The following RFX2 variants were observed in gnomAD, a reference collection of about 807,000 sequenced individuals.
RFX2 encodes the protein DNA-binding protein RFX2.
A neutral mutation model predicts 87.8 loss-of-function variants in RFX2; 20 were observed. That is an observed-to-expected ratio of 0.23 (90% CI 0.16 to 0.33). The LOEUF is 0.33. RFX2 is among the 10% of genes least tolerant of loss of function. The pLI, the probability that RFX2 is intolerant of heterozygous loss-of-function variation, is 1.00. For missense variants in RFX2, 767 were observed against 1,012.3 expected (o/e 0.76, Z 3.29); for synonymous variants, 397 against 431.3 (o/e 0.92, Z 0.98).
intron 1 of RFX2, among the ~76,000 whole-genome samples, chr19:6,106,158 T>TA (rs1196153658): frequency 2.6e-5 from 4 of 152,282 alleles, no homozygotes; most frequent in African/African-American, 9.6e-5. Context: ...TTGCTGATCT[T>TA]AGAGTTTCCA....
intron 5 of RFX2, among the ~76,000 whole-genome samples, chr19:6,038,341 A>C (rs1599873428): frequency 1.3e-5 from 2 of 150,636 alleles, no homozygotes; most frequent in African/African-American, 4.8e-5. Flanking sequence ...AAAAAAAAAA[A>C]AAAAAAAAAA....
At chr19:6,095,792 C>T (rs982856225) in intron 1 of RFX2, among the ~76,000 whole-genome samples, 1 of 152,176 alleles carries the variant, frequency 6.6e-6, no homozygotes, top group African/African-American at 2.4e-5. Context: ...CTGGCCCAGC[C>T]GCTAGCCTGT....
intron 1 of RFX2, among the ~76,000 whole-genome samples, chr19:6,062,021 G>A (rs998394486): frequency 1.3e-5 from 2 of 152,106 alleles, no homozygotes; most frequent in East Asian, 3.8e-4. Context: ...TGGGGGCCGG[G>A]GAAGGTGGCT....
intron 1 of RFX2, among the ~76,000 whole-genome samples, chr19:6,065,853 C>A (rs1479010018): frequency 1.3e-5 from 2 of 152,052 alleles, no homozygotes; most frequent in Non-Finnish European, 2.9e-5. Context: ...GCTGGAGTGT[C>A]TGTTACAGGC....
intron 12 of RFX2, among the ~76,000 whole-genome samples, chr19:6,005,016 G>T (rs1427978517): frequency 6.6e-6 from 1 of 152,120 alleles, no homozygotes; most frequent in Non-Finnish European, 1.5e-5. Context: ...CTATTTGGGA[G>T]GCTGAGGCAG....
intron 1 of RFX2, chr19:6,078,276 C>G (rs944721989): frequency 6.7e-6 from 1 of 148,442 alleles, no homozygotes; most frequent in East Asian, 2.0e-4. Flanking sequence ...CTAAGACCCA[C>G]TGAACCATAC....
chr19:6,040,132 G>A lies in RFX2; in HGVS notation c.370C>T (p.Pro124Ser). The change falls in exon 5 of 18, where the codon CCG (proline) becomes TCG (serine). Residue 124 changes from proline (P) to serine (S), a missense_variant. Pro to Ser is a moderately conservative substitution (Grantham distance 74). This residue lies in a region of RFX2 where 621 missense variants were observed against 873.0 expected (regional missense o/e 0.71). Transcript: ENST00000303657. This position sits in a 1 kb window ranked among gnomAD's most constrained non-coding sequence, Gnocchi z 6.1. ...ATGCTGTGGGAGGGGACCGCTGGCG[G>A]GGACGAGGCTGCCACGGTCACCTGG... ...GAQVTVAASS[P>S]PAVPSHSMVG... 6.2e-7 allele frequency: 1 copy of A among 1,609,356 alleles called. No homozygotes were observed. Among genetic ancestry groups the A allele is most frequent in the Non-Finnish European group, 8.5e-7 (1 of 1,177,366 alleles).
intron 1 of RFX2, among the ~76,000 whole-genome samples, chr19:6,087,420 T>C (rs1364795640): frequency 6.6e-6 from 1 of 152,104 alleles, no homozygotes; most frequent in Non-Finnish European, 1.5e-5. Flanking sequence ...GGATCGAGGA[T>C]CAGAGGAAGC....
intron 5 of RFX2, among the ~76,000 whole-genome samples, chr19:6,032,229 C>A (rs564255277): frequency 1.3e-5 from 2 of 152,242 alleles, no homozygotes; most frequent in African/African-American, 4.8e-5. Flanking sequence ...TCAAGCGATT[C>A]CCCTGCCTCA....
At chr19:6,018,037 G>A (rs977119537) in intron 6 of RFX2, among the ~76,000 whole-genome samples, 13 of 151,892 alleles carry the variant, frequency 8.6e-5, no homozygotes, top group African/African-American at 2.2e-4. Flanking sequence ...GTGCAGTGGC[G>A]CAATCTTGGC....
intron 1 of RFX2, among the ~76,000 whole-genome samples, chr19:6,099,796 C>T (rs1172412183): frequency 6.6e-6 from 1 of 152,204 alleles, no homozygotes; most frequent in East Asian, 1.9e-4. Flanking sequence ...GTCCTTGCCA[C>T]TTCTTGTTGA....
rs2086434951 is a variant in RFX2, at chr19:5,997,752, A to G, written c.1860-539T>C. Among the ~76,000 whole-genome samples the G allele has an allele frequency of 6.6e-6, 1 of 152,194 alleles. No homozygotes were observed. Among genetic ancestry groups the G allele is most frequent in the Admixed American group, 6.5e-5 (1 of 15,280 alleles). ...CTGTCAGCGAAAGCAGGGGTTTCAGAGACTTCAGCCCAGATCCAGTCCGCG... is the reference window on the plus strand; with the variant it reads ...CTGTCAGCGAAAGCAGGGGTTTCAGGGACTTCAGCCCAGATCCAGTCCGCG... On this transcript the variant is annotated intron_variant, in intron 15 of 17. Transcript: ENST00000303657. The surrounding 1 kb of genome is among the most constrained non-coding windows in gnomAD (Gnocchi z 4.2).
chr19:6,002,606 C>G lies in RFX2; in HGVS notation c.1650+115G>C. On this transcript the variant is annotated intron_variant, in intron 14 of 17. Transcript: ENST00000303657. The surrounding 1 kb of genome is among the most constrained non-coding windows in gnomAD (Gnocchi z 6.7). ...TGGGACCCGTGTCATGCAACAGAAC[C>G]GTGGCCAGGCTCGGGGCAGGGGCCA... 7.6e-7 allele frequency: 1 copy of G among 1,314,752 alleles called. No homozygotes were observed. The highest frequency in any genetic ancestry group is 1.4e-5 in the African/African-American group (1 of 69,030). 81.4% of individuals were successfully genotyped at this position (1,314,752 alleles called of 1,614,324 possible).
chr19:6,049,764 G>A (rs961287470), intron 1 of RFX2, among the ~76,000 whole-genome samples: 10 of 152,214 alleles, frequency 6.6e-5, no homozygotes, highest in Non-Finnish European at 1.3e-4. Flanking sequence ...CTGGCCTCAT[G>A]TGATCTGCCT....
intron 1 of RFX2, among the ~76,000 whole-genome samples, chr19:6,094,202 G>A (rs1253612513): frequency 6.6e-6 from 1 of 152,028 alleles, no homozygotes; most frequent in Admixed American, 6.6e-5. Flanking sequence ...GAGGGGCAGA[G>A]GAGAGAGGAA....
chr19:6,045,325 CAT>C lies in RFX2; in HGVS notation c.91-1045_91-1044del, dbSNP rs1414609482. Reference sequence around the variant, plus strand: ...CCACAGTGATGAAACCTGGGACACACATGGTGGCCGTGAGTGGCACTGAGACC... The same window carrying C: ...CCACAGTGATGAAACCTGGGACACACGGTGGCCGTGAGTGGCACTGAGACC... On this transcript the variant is annotated intron_variant, in intron 2 of 17. Transcript: ENST00000303657. This position sits in a 1 kb window ranked among gnomAD's most constrained non-coding sequence, Gnocchi z 5.2. Among the ~76,000 whole-genome samples the C allele has an allele frequency of 6.6e-6, 1 of 152,192 alleles. No homozygotes were observed. The highest frequency in any genetic ancestry group is 1.5e-5 in the Non-Finnish European group (1 of 68,038).
intron 3 of RFX2, 35 bp from the exon 4 acceptor site, chr19:6,042,158 A>G (rs2144767457): frequency 6.3e-7 from 1 of 1,594,866 alleles, no homozygotes; most frequent in African/African-American, 1.3e-5. Flanking sequence ...ACCGCCAGTC[A>G]CGCCCTCGTG....
chr19:6,098,296 G>GT (rs1208886130), intron 1 of RFX2, among the ~76,000 whole-genome samples: 1 of 152,130 alleles, frequency 6.6e-6, no homozygotes, highest in African/African-American at 2.4e-5. Flanking sequence ...GATGAGAACT[G>GT]TTACTGGTCT....
chr19:6,096,581 G>T (rs963214550), intron 1 of RFX2, among the ~76,000 whole-genome samples: 5 of 151,950 alleles, frequency 3.3e-5, no homozygotes, highest in Admixed American at 6.6e-5. Context: ...CGAGTAGCTG[G>T]GACTACAGGC....
Sources: gnomAD v4.1 joint callset for allele counts (sites outside exome capture counted in the v4.1 genomes callset) on GRCh38, gnomAD v4.1.1 for gene constraint, gnomAD v4.1.1 regional missense constraint, Gnocchi (gnomAD v3.1) non-coding constraint, MANE v1.5 for transcripts, NCBI Gene and HGNC (gene_info 2026-07-23, HGNC 2026-07-21) for gene names.